Variants in GRK1 observed in about 807,000 individuals in gnomAD.
GRK1 encodes rhodopsin kinase GRK1.
In GRK1, 28 loss-of-function variants were observed where a neutral mutation model predicts 41.7. That is an observed-to-expected ratio of 0.67 (90% CI 0.50 to 0.92). The LOEUF is 0.92. Ranked by LOEUF, GRK1 falls within the 40% of genes least tolerant of loss-of-function variation. The pLI is 0.00. For synonymous variants in GRK1, 327 were observed against 286.7 expected (o/e 1.14, Z -1.42); for missense variants, 703 against 671.2 (o/e 1.05, Z -0.52).
chr13:113,733,648 C>A (rs1173824963), intron 6 of GRK1, among the ~76,000 whole-genome samples: 1 of 119,282 alleles, frequency 8.4e-6, no homozygotes, highest in South Asian at 2.6e-4. Flanking sequence ...TGTATGTGTG[C>A]ATACGTGTGT....
chr13:113,728,122 G>A lies in GRK1; in HGVS notation c.1070-3097G>A, dbSNP rs373802287. On this transcript the variant is annotated intron_variant, in intron 4 of 6. Coordinates refer to ENST00000335678, the MANE Select transcript of GRK1 (RefSeq NM_002929.3). ...CATGGCAATGAGGAGTACCCATGGC[G>A]ATGAGGAGTACCCATGGCGATGAGG... Among the ~76,000 whole-genome samples the A allele has an allele frequency of 8.7e-3, 610 of 70,210 alleles. 1 individual carries two copies. Among genetic ancestry groups the A allele is most frequent in the African/African-American group, 0.033 (306 of 9,198 alleles). 46.1% of individuals were successfully genotyped at this position (70,210 alleles called of 152,430 possible). A position where few individuals can be genotyped will look rare whatever the true frequency, so the allele number is the denominator to read the frequency against.
chr13:113,733,005 TG>T lies in GRK1; in HGVS notation c.1320del (p.Phe441SerfsTer28). 3 of 1,537,096 alleles carry T rather than the reference TG, an allele frequency of 2.0e-6. No homozygotes were observed. The highest frequency in any genetic ancestry group is 2.6e-6 in the Non-Finnish European group (3 of 1,146,906). ...ALLEKDPEKRLGFRDETCDKL... is the reference protein window; with the variant it reads ...ALLEKDPEKRXGFRDETCDKL... ...CTGGAGAAGGACCCGGAGAAGCGCC[TG>T]GGGTTCAGAGATGAGACCTGCGACA... On this transcript the variant is annotated frameshift_variant, in exon 6 of 7. Coordinates refer to ENST00000335678, the MANE Select transcript of GRK1 (RefSeq NM_002929.3). LOFTEE classifies it high-confidence loss of function.
the GRK1 span, chr13:113,651,542 G>C: frequency 1.9e-6 from 2 of 1,075,514 alleles, no homozygotes; most frequent in Non-Finnish European, 2.5e-6. Flanking sequence ...CGGTGTTTAC[G>C]TCTGGTTTAC....
chr13:113,649,650 G>A, the GRK1 span: 1 of 1,243,148 alleles, frequency 8.0e-7, no homozygotes, highest in Non-Finnish European at 1.1e-6. The surrounding 1 kb of genome is among the most constrained non-coding windows in gnomAD (Gnocchi z 4.7). Flanking sequence ...GCTCTTTTGT[G>A]TAAGACTGGC....
chr13:113,728,909 C>A (rs1250411365), intron 4 of GRK1, among the ~76,000 whole-genome samples: 1 of 152,082 alleles, frequency 6.6e-6, no homozygotes, highest in Non-Finnish European at 1.5e-5. Flanking sequence ...GGTGGGCAAG[C>A]CTTAGCCAGA....
chr13:113,724,474 G>A (rs2049877607), intron 4 of GRK1, among the ~76,000 whole-genome samples: 1 of 152,186 alleles, frequency 6.6e-6, no homozygotes, highest in African/African-American at 2.4e-5. Flanking sequence ...CCATGCTGGT[G>A]TTTAGGCACT....
In GRK1 at chr13:113,733,611, GTA is replaced by G. The variant is rs370423966; in HGVS notation, c.1396+528_1396+529del. Among the ~76,000 whole-genome samples, 1,330 of 150,532 alleles carry G rather than the reference GTA, an allele frequency of 8.8e-3. 22 individuals carry two copies. The highest frequency in any genetic ancestry group is 0.031 in the African/African-American group (1,251 of 40,548). ...CGTGTGTGTGCATGTGTGCGCATGT[GTA>G]TGTGTGTGCATACGTGTGTGCTCAT... On this transcript the variant is annotated intron_variant, in intron 6 of 6. Transcript: ENST00000335678.
In GRK1 at chr13:113,735,482, G is replaced by T; in HGVS notation, c.*119G>T. ...GGGGACACGTGGTTCCCTCCACCCA[G>T]GTCCCCATCACGCCATCTCCTTGCG... On this transcript the variant is annotated 3_prime_UTR_variant, in exon 7 of 7. Coordinates refer to ENST00000335678, the MANE Select transcript of GRK1 (RefSeq NM_002929.3). 1 of 1,163,610 alleles carries T rather than the reference G, an allele frequency of 8.6e-7. No individual in the cohort carries two copies. The highest frequency in any genetic ancestry group is 1.2e-6 in the Non-Finnish European group (1 of 865,022). 72.1% of individuals were successfully genotyped at this position (1,163,610 alleles called of 1,614,324 possible).
Position 113,731,212 on chromosome 13 carries a change from C to A in GRK1, c.1070-7C>A, listed in dbSNP as rs2049934469. 3 of 1,536,788 alleles carry A rather than the reference C, an allele frequency of 2.0e-6. No individual in the cohort carries two copies. Among genetic ancestry groups the A allele is most frequent in the Non-Finnish European group, 1.7e-6 (2 of 1,146,662 alleles). ...ACCTCTGAACCCGCAATGTCCCTTG[C>A]TGGCAGGTTTCATGGCCCCCGAGCT... On this transcript the variant is annotated splice_polypyrimidine_tract_variant and splice_region_variant and intron_variant, in intron 4 of 6. Coordinates refer to ENST00000335678, the MANE Select transcript of GRK1 (RefSeq NM_002929.3). The surrounding 1 kb of genome is among the most constrained non-coding windows in gnomAD (Gnocchi z 5.6).
upstream of GRK1, chr13:113,667,060 C>T (rs1350992540): frequency 9.4e-6 from 2 of 213,888 alleles, no homozygotes; most frequent in Non-Finnish European, 1.9e-5. This position sits in a 1 kb window ranked among gnomAD's most constrained non-coding sequence, Gnocchi z 7.5. Context: ...GAGGCGGCCC[C>T]TTGGAGGAAG....
In GRK1 at chr13:113,667,537, C is replaced by T. The variant is rs199632109; in HGVS notation, c.151C>T (p.Arg51Cys). 569 of 1,613,412 alleles carry T rather than the reference C, an allele frequency of 3.5e-4. No individual in the cohort carries two copies. Among genetic ancestry groups the T allele is most frequent in the Non-Finnish European group, 4.3e-4 (511 of 1,179,884 alleles). The change falls in exon 1 of 7, where the codon CGC becomes TGC. Residue 51 changes from arginine (R) to cysteine (C), a missense_variant. Physicochemically the swap from Arg to Cys is radical, Grantham distance 180 (BLOSUM62 -3). Coordinates refer to ENST00000335678, the MANE Select transcript of GRK1 (RefSeq NM_002929.3). The surrounding 1 kb of genome is among the most constrained non-coding windows in gnomAD (Gnocchi z 7.5). ...LPPLSKCESL[R>C]DSLSLEFESV... is the part of the protein sequence containing the mutation. ...CCCGCTGTCCAAGTGTGAGTCCCTC[C>T]GCGACAGCCTCAGCCTGGAGTTTGA...
Position 113,667,927 on chromosome 13 carries a change from G to A in GRK1, c.541G>A (p.Glu181Lys). The A allele has an allele frequency of 6.2e-7, 1 of 1,608,540 alleles. No homozygotes were observed. The highest frequency in any genetic ancestry group is 8.5e-7 in the Non-Finnish European group (1 of 1,177,406). ...GAGGTTCCTGCAGTGGAAGTGGCTGGAAGCCCAGCCCATGGGGGAGGACTG... is the reference window on the plus strand; with the variant it reads ...GAGGTTCCTGCAGTGGAAGTGGCTGAAAGCCCAGCCCATGGGGGAGGACTG... ...FLRFLQWKWL[E>K]AQPMGEDWFL... Residue 181 changes from glutamate to lysine, a missense_variant, in exon 1 of 7, where the codon GAA (glutamate) becomes AAA (lysine). By Grantham distance (56) the Glu-to-Lys change is moderately conservative (BLOSUM62 1). Transcript: ENST00000335678. This position sits in a 1 kb window ranked among gnomAD's most constrained non-coding sequence, Gnocchi z 7.5.
At chr13:113,670,963 T>C (rs2049853087) in intron 2 of GRK1, among the ~76,000 whole-genome samples, 1 of 151,938 alleles carries the variant, frequency 6.6e-6, no homozygotes, top group African/African-American at 2.4e-5. Flanking sequence ...CCTCTCCTGT[T>C]TCCTGTGACG....
Position 113,735,157 on chromosome 13 carries a change from G to GTGGCCTT in GRK1, c.1489_1495dup (p.Asp499GlyfsTer3). 1.3e-6 allele frequency: 2 copies of GTGGCCTT among 1,537,222 alleles called. No individual in the cohort carries two copies. The highest frequency in any genetic ancestry group is 1.7e-6 in the Non-Finnish European group (2 of 1,146,878). On this transcript the variant is annotated frameshift_variant, in exon 7 of 7. Transcript: ENST00000335678. LOFTEE classifies it low-confidence loss of function (END_TRUNC). ...GGGTGCCTTTTCCACCGTCAAAGGT[G>GTGGCCTT]TGGCCTTTGACAAAACAGACACAGA...
At chr13:113,733,308 G>A (rs2049951304) in intron 6 of GRK1, among the ~76,000 whole-genome samples, 1 of 152,246 alleles carries the variant, frequency 6.6e-6, no homozygotes, top group African/African-American at 2.4e-5. Flanking sequence ...GGTGCAATGG[G>A]AGGCAGGAAA....
rs2049996193 is a variant in GRK1 at position 113,735,364 on chromosome 13, G to A, written c.*1G>A. The stretch of plus-strand genomic sequence containing the variant: ...GTCAGGGATGTGTCTGGTTTCCTAG[G>A]TGACGCCCCAGAGTCCACGTGGAGG... On this transcript the variant is annotated 3_prime_UTR_variant, in exon 7 of 7. Coordinates refer to ENST00000335678, the MANE Select transcript of GRK1 (RefSeq NM_002929.3). 1.3e-6 allele frequency: 2 copies of A among 1,490,734 alleles called. No individual in the cohort carries two copies. The highest frequency in any genetic ancestry group is 1.4e-5 in the African/African-American group (1 of 71,724). The allele number at this position is 1,490,734 out of a possible 1,614,324, so 92.3% of individuals were successfully genotyped here. A position where few individuals can be genotyped will look rare whatever the true frequency, so the allele number is the denominator to read the frequency against.
At chr13:113,670,816 G>A (rs1436380912) in intron 2 of GRK1, among the ~76,000 whole-genome samples, 2 of 151,066 alleles carry the variant, frequency 1.3e-5, no homozygotes, top group East Asian at 1.9e-4. Flanking sequence ...CCCAGGCGGA[G>A]GGGAGGGGAC....
At chr13:113,657,661 G>A in the GRK1 span, among the ~76,000 whole-genome samples, 8 of 152,272 alleles carry the variant, frequency 5.3e-5, no homozygotes, top group Non-Finnish European at 8.8e-5. Flanking sequence ...AGGTCATTGC[G>A]TGAATCTGTG....
chr13:113,659,299 G>A, the GRK1 span, among the ~76,000 whole-genome samples: 1 of 152,226 alleles, frequency 6.6e-6, no homozygotes, highest in East Asian at 1.9e-4. Context: ...GGAATGCAGG[G>A]CAAATGAAAT....
Sources: gnomAD v4.1 joint callset for allele counts (sites outside exome capture counted in the v4.1 genomes callset) on GRCh38, gnomAD v4.1.1 for gene constraint, Gnocchi (gnomAD v3.1) non-coding constraint, MANE v1.5 for transcripts, NCBI Gene and HGNC (gene_info 2026-07-23, HGNC 2026-07-21) for gene names.